TBL1XR1: variants seen among roughly 807,000 people sequenced by gnomAD.
TBL1XR1 encodes F-box-like/WD repeat-containing protein TBL1XR1.
A neutral mutation model predicts 66.9 loss-of-function variants in TBL1XR1; 5 were observed. That is an observed-to-expected ratio of 0.07 (90% confidence interval 0.04 to 0.16). The LOEUF (loss-of-function observed/expected upper bound fraction) is 0.16. Among genes scored for constraint, TBL1XR1 ranks in the 10% least tolerant of loss-of-function variants. The pLI is 1.00. For missense variants in TBL1XR1, 238 were observed against 623.2 expected, an observed-to-expected ratio of 0.38 and a Z score of 6.58; for synonymous variants, 210 against 206.0, an observed-to-expected ratio of 1.02 and a Z score of -0.17.
At chr3:177,107,648 C>T (rs1342167903) in intron 1 of TBL1XR1, among the ~76,000 whole-genome samples, 1 of 152,144 alleles carries the variant, frequency 6.6e-6, no homozygotes, top group Non-Finnish European at 1.5e-5. Flanking sequence ...ATCTGCCTGA[C>T]CCATTCAAGG....
intron 2 of TBL1XR1, among the ~76,000 whole-genome samples, chr3:177,089,631 C>T (rs1036951975): frequency 6.6e-6 from 1 of 152,128 alleles, no homozygotes; most frequent in Non-Finnish European, 1.5e-5. Flanking sequence ...AGAATCAAAC[C>T]TAAGAGAACT....
chr3:177,141,054 A>T (rs528811151), intron 1 of TBL1XR1, among the ~76,000 whole-genome samples: 1 of 152,350 alleles, frequency 6.6e-6, no homozygotes, highest in South Asian at 2.1e-4. Context: ...AACTGGAAAA[A>T]GAAAATGTAA....
chr3:177,135,212 G>A (rs1728789950), intron 1 of TBL1XR1, among the ~76,000 whole-genome samples: 1 of 149,034 alleles, frequency 6.7e-6, no homozygotes, highest in Admixed American at 6.7e-5. Flanking sequence ...ACGTTGGCCA[G>A]ACTGGTTTCA....
chr3:177,195,644 T>C (rs963327522), intron 1 of TBL1XR1: 1 of 151,574 alleles, frequency 6.6e-6, no homozygotes, highest in Non-Finnish European at 1.5e-5. Flanking sequence ...AGGGCCTTAT[T>C]ATCCAAACTG....
At chr3:177,072,830 G>A (rs1416629966) in intron 2 of TBL1XR1, among the ~76,000 whole-genome samples, 1 of 152,184 alleles carries the variant, frequency 6.6e-6, no homozygotes, top group Non-Finnish European at 1.5e-5. Flanking sequence ...TTGAGAAGCC[G>A]AGGCGGGTGG....
chr3:177,054,048 G>T, intron 3 of TBL1XR1, 130 bp from the exon 4 acceptor site: 1 of 69,068 alleles, frequency 1.4e-5, no homozygotes, highest in Non-Finnish European at 2.5e-5. Flanking sequence ...CGAAGGTCGT[G>T]TGTGTGTGTG....
chr3:177,032,888 A>G (rs1714205500), intron 14 of TBL1XR1, 83 bp downstream of exon 14: 3 of 1,172,908 alleles, frequency 2.6e-6, no homozygotes, highest in Non-Finnish European at 3.3e-6. Context: ...AGGAATGACA[A>G]CCAAATGGTG....
intron 14 of TBL1XR1, among the ~76,000 whole-genome samples, chr3:177,030,060 C>T (rs1416936100): frequency 6.6e-6 from 1 of 151,568 alleles, no homozygotes; most frequent in African/African-American, 2.4e-5. Flanking sequence ...CCGTATGGGC[C>T]ATGACTTCCA....
In TBL1XR1 at chr3:177,049,999, T is replaced by C. The variant is rs752153431; in HGVS notation, c.700A>G (p.Asn234Asp). The change falls in exon 7 of 16, where the codon AAT becomes GAT. Residue 234 changes from asparagine to aspartate, a missense_variant and splice_region_variant. Around this residue, in one of 8 missense-constraint regions of TBL1XR1, gnomAD observed 26 missense variants for 103.7 expected, o/e 0.25. Transcript: ENST00000457928. ...SNKDVTSLDW[N>D]SEGTLLATGS... ...ATCATGGATATAGTGATACTCACATTCCAATCTAGAGATGTGACATCCTTG... is the reference window on the plus strand; with the variant it reads ...ATCATGGATATAGTGATACTCACATCCCAATCTAGAGATGTGACATCCTTG... 2 of 1,613,218 alleles carry C rather than the reference T, an allele frequency of 1.2e-6. No homozygotes were observed. The highest frequency in any genetic ancestry group is 1.7e-6 in the Non-Finnish European group (2 of 1,179,674).
chr3:177,041,479 C>A lies in TBL1XR1; in HGVS notation c.926-3045G>T, dbSNP rs940696953. On this transcript the variant is annotated intron_variant, in intron 10 of 15. Coordinates refer to ENST00000457928, the MANE Select transcript of TBL1XR1 (RefSeq NM_024665.7). ...TTCCCATATTTCTTCACTTATTTCT[C>A]CTAAGAGGTTTTCCACAATAAGTCA... 5.9e-5 allele frequency among the ~76,000 whole-genome samples: 9 copies of A among 152,298 alleles called. No homozygotes were observed. In the South Asian group the frequency reaches 1.9e-3, roughly 32 times the overall value.
At chr3:177,134,969 G>GTGTGTGTGTGTGTGTGTGTGTGTGTGTC (rs146706429) in intron 1 of TBL1XR1, among the ~76,000 whole-genome samples, 71 of 95,592 alleles carry the variant, frequency 7.4e-4, no homozygotes, top group Non-Finnish European at 1.4e-3. Context: ...GTGTGTGTCT[G>GTGTGTGTGTGTGTGTGTGTGTGTGTGTC]TGTGTGTGTC....
At chr3:177,081,017 T>C (rs1721326627) in intron 2 of TBL1XR1, among the ~76,000 whole-genome samples, 1 of 152,246 alleles carries the variant, frequency 6.6e-6, no homozygotes, top group Non-Finnish European at 1.5e-5. Flanking sequence ...GATGTAAAGA[T>C]ATGATGAAAC....
intron 1 of TBL1XR1, among the ~76,000 whole-genome samples, chr3:177,130,037 C>T (rs1728096277): frequency 6.6e-6 from 1 of 150,532 alleles, no homozygotes; most frequent in Non-Finnish European, 1.5e-5. Context: ...CCAAGCTACT[C>T]AGGAGATGGA....
In TBL1XR1 at chr3:177,151,850, C is replaced by G. The variant is rs1015399170; in HGVS notation, c.-122+45271G>C. Among the ~76,000 whole-genome samples, 5 of 152,246 alleles carry G rather than the reference C, an allele frequency of 3.3e-5. No homozygotes were observed. In the East Asian group the frequency reaches 9.7e-4, roughly 29 times the overall value. On this transcript the variant is annotated intron_variant, in intron 1 of 15. Transcript: ENST00000457928. ...ACCAACCTGGCCACCACGGTGAAAC[C>G]CTGTCTCTACTAAAAATACAAAAAT...
chr3:177,144,394 T>G (rs1459291207), intron 1 of TBL1XR1, among the ~76,000 whole-genome samples: 1 of 152,142 alleles, frequency 6.6e-6, no homozygotes, highest in Non-Finnish European at 1.5e-5. Context: ...AAGGGCCAGA[T>G]AGTAATTCTT....
chr3:177,158,488 A>T (rs977845473), intron 1 of TBL1XR1, among the ~76,000 whole-genome samples: 1 of 152,122 alleles, frequency 6.6e-6, no homozygotes, highest in Non-Finnish European at 1.5e-5. Flanking sequence ...CGGCCTCCCA[A>T]TGTGCTGGGA....
At chr3:177,093,019 C>A (rs1355035234) in intron 2 of TBL1XR1, among the ~76,000 whole-genome samples, 1 of 152,108 alleles carries the variant, frequency 6.6e-6, no homozygotes, top group Non-Finnish European at 1.5e-5. Context: ...AAGAGGAAGG[C>A]AAACTGTTGC....
intron 2 of TBL1XR1, among the ~76,000 whole-genome samples, chr3:177,075,623 C>G (rs777429344): frequency 3.3e-5 from 5 of 152,104 alleles, no homozygotes; most frequent in Non-Finnish European, 7.4e-5. Flanking sequence ...GTATGTTTCC[C>G]AATCTAAATA....
At chr3:177,053,978 A>C (rs924551539) in intron 3 of TBL1XR1, 60 bp from the exon 4 acceptor site, 1 of 1,511,138 alleles carries the variant, frequency 6.6e-7, no homozygotes, top group African/African-American at 1.4e-5. Context: ...GCTAAATGAC[A>C]CAGAAAGAAA....
Sources: gnomAD v4.1 joint callset for allele counts (sites outside exome capture counted in the v4.1 genomes callset) on GRCh38, gnomAD v4.1.1 for gene constraint, gnomAD v4.1.1 regional missense constraint, MANE v1.5 for transcripts, NCBI Gene and HGNC (gene_info 2026-07-23, HGNC 2026-07-21) for gene names.